XXYLT1: variants seen among roughly 807,000 people sequenced by gnomAD.
The protein encoded by XXYLT1 is UDP-xylose:alpha-xyloside alpha-1,3-xylosyltransferase.
XXYLT1 carries 20 observed loss-of-function variants against 28.9 expected under a neutral mutation model. The ratio of observed to expected loss-of-function variants is 0.69; its 90% CI spans 0.49 to 1.00. The LOEUF (loss-of-function observed/expected upper bound fraction) is 1.00, where lower values mean the gene tolerates loss of function less well. Ranked by LOEUF, XXYLT1 falls within the 50% of genes least tolerant of loss-of-function variation. The pLI is 0.00. For synonymous variants in XXYLT1, 257 were observed against 253.8 expected, an observed-to-expected ratio of 1.01 and a Z score of -0.12; for missense variants, 542 against 560.1, an observed-to-expected ratio of 0.97 and a Z score of 0.33.
intron 3 of XXYLT1, among the ~76,000 whole-genome samples, chr3:195,075,857 C>A (rs1383795879): frequency 1.3e-5 from 2 of 152,214 alleles, no homozygotes; most frequent in Admixed American, 1.3e-4. Flanking sequence ...CAAGCGAGGT[C>A]GAGGCGCGGC....
intron 1 of XXYLT1, among the ~76,000 whole-genome samples, chr3:195,263,613 C>T (rs368977154): frequency 6.6e-6 from 1 of 152,172 alleles, no homozygotes; most frequent in Non-Finnish European, 1.5e-5. Flanking sequence ...TTCCCGGCCT[C>T]CAAAACCTCA....
intron 3 of XXYLT1, among the ~76,000 whole-genome samples, chr3:195,085,682 A>G (rs1453150760): frequency 1.3e-5 from 2 of 152,212 alleles, no homozygotes; most frequent in African/African-American, 4.8e-5. Context: ...TTCCAGACTG[A>G]TGCGGCGAGA....
chr3:195,104,520 C>T (rs904410399), intron 3 of XXYLT1, among the ~76,000 whole-genome samples: 4 of 152,066 alleles, frequency 2.6e-5, no homozygotes, highest in African/African-American at 9.7e-5. Flanking sequence ...GCTCACACGA[C>T]CATGTGTTCA....
chr3:195,153,654 C>T (rs933208065), intron 3 of XXYLT1, among the ~76,000 whole-genome samples: 2 of 152,142 alleles, frequency 1.3e-5, no homozygotes, highest in African/African-American at 4.8e-5. Context: ...TTCAGGAAGT[C>T]CAGATAATTA....
chr3:195,088,057 G>GCCA (rs1715856221), intron 3 of XXYLT1, among the ~76,000 whole-genome samples: 1 of 152,074 alleles, frequency 6.6e-6, no homozygotes, highest in South Asian at 2.1e-4. Context: ...CTCGCTGATT[G>GCCA]CCAGCACAGC....
At position 195,256,538 on chromosome 3, in the gene XXYLT1, G is replaced by A; in HGVS notation, c.504+14017C>T. The A allele has an allele frequency of 3.0e-6, 3 of 985,368 alleles. No individual in the cohort carries two copies. Among genetic ancestry groups the A allele is most frequent in the African/African-American group, 1.7e-5 (1 of 57,336 alleles). 61.0% of individuals were successfully genotyped at this position (985,368 alleles called of 1,614,324 possible). On this transcript the variant is annotated intron_variant, in intron 1 of 3. Transcript: ENST00000310380. This position sits in a 1 kb window ranked among gnomAD's most constrained non-coding sequence, Gnocchi z 4.2. ...ATTCCAGGGATTATCCCAGAAAGAGGGGAAGAGCAGCCTCCTCACACCCCG... is the reference window on the plus strand; with the variant it reads ...ATTCCAGGGATTATCCCAGAAAGAGAGGAAGAGCAGCCTCCTCACACCCCG...
At chr3:195,134,879 G>GCA (rs1553808220) in intron 3 of XXYLT1, among the ~76,000 whole-genome samples, 50 of 140,652 alleles carry the variant, frequency 3.6e-4, no homozygotes, top group Middle Eastern at 3.6e-3. Flanking sequence ...GCGTGTGCGC[G>GCA]CGTGCGCGCA....
intron 3 of XXYLT1, among the ~76,000 whole-genome samples, chr3:195,143,898 TATTTTTA>T (rs1719691798): frequency 2.3e-5 from 3 of 132,548 alleles, no homozygotes; most frequent in East Asian, 6.0e-4. Context: ...ATTTATTTTT[TATTTTTA>T]TTTTTTTTTT....
At chr3:195,121,328 G>A (rs571266516) in intron 3 of XXYLT1, among the ~76,000 whole-genome samples, 2 of 152,180 alleles carry the variant, frequency 1.3e-5, no homozygotes, top group East Asian at 1.9e-4. Context: ...GATGAGAGAC[G>A]GGGTTCCCTC....
chr3:195,176,849 C>A lies in XXYLT1; in HGVS notation c.653-20268G>T, dbSNP rs1207684981. On this transcript the variant is annotated intron_variant, in intron 2 of 3. Coordinates refer to ENST00000310380, the MANE Select transcript of XXYLT1 (RefSeq NM_152531.5). This position sits in a 1 kb window ranked among gnomAD's most constrained non-coding sequence, Gnocchi z 4.9. ...CTCACAGAGCACAGGCCCACAGGGTCTGCTGGAAAGGTGATCTGAGAGGTA... is the reference window on the plus strand; with the variant it reads ...CTCACAGAGCACAGGCCCACAGGGTATGCTGGAAAGGTGATCTGAGAGGTA... Among the ~76,000 whole-genome samples the A allele has an allele frequency of 6.6e-6, 1 of 152,224 alleles. No homozygotes were observed. The highest frequency in any genetic ancestry group is 2.4e-5 in the African/African-American group (1 of 41,448).
intron 1 of XXYLT1, among the ~76,000 whole-genome samples, chr3:195,262,083 G>A (rs867592702): frequency 3.3e-5 from 5 of 152,326 alleles, no homozygotes; most frequent in South Asian, 2.1e-4. Flanking sequence ...GCCTCAAAGC[G>A]GAAACAACCC....
chr3:195,085,516 C>T (rs1428912401), intron 3 of XXYLT1, among the ~76,000 whole-genome samples: 1 of 152,184 alleles, frequency 6.6e-6, no homozygotes, highest in African/African-American at 2.4e-5. Flanking sequence ...GGGGAGTCCA[C>T]CCAGTTCTAC....
chr3:195,140,079 G>C (rs937755474), intron 3 of XXYLT1, among the ~76,000 whole-genome samples: 2 of 152,296 alleles, frequency 1.3e-5, no homozygotes, highest in South Asian at 4.1e-4. Flanking sequence ...GTGCAGCCCT[G>C]GTGAGATTCT....
intron 3 of XXYLT1, among the ~76,000 whole-genome samples, chr3:195,070,826 G>A (rs1714762130): frequency 6.6e-6 from 1 of 152,088 alleles, no homozygotes; most frequent in Non-Finnish European, 1.5e-5. Context: ...TAGGGTGAAA[G>A]ACAGCTGTAG....
intron 2 of XXYLT1, among the ~76,000 whole-genome samples, chr3:195,196,935 A>G (rs749044666): frequency 2.0e-5 from 3 of 152,140 alleles, no homozygotes; most frequent in Admixed American, 6.5e-5. Flanking sequence ...AATATTTTAC[A>G]CTGGGACTAG....
chr3:195,074,418 G>A (rs1047635920), intron 3 of XXYLT1, among the ~76,000 whole-genome samples: 2 of 152,208 alleles, frequency 1.3e-5, no homozygotes, highest in African/African-American at 4.8e-5. Flanking sequence ...AGTCAGTGAG[G>A]CCTGGAACCC....
intron 3 of XXYLT1, among the ~76,000 whole-genome samples, chr3:195,146,031 T>C (rs961661049): frequency 2.6e-5 from 4 of 152,214 alleles, no homozygotes; most frequent in African/African-American, 9.7e-5. Context: ...AAAAGTTTGA[T>C]ATTTCTATAA....
chr3:195,080,943 C>T (rs1180730207), intron 3 of XXYLT1, among the ~76,000 whole-genome samples: 3 of 152,210 alleles, frequency 2.0e-5, no homozygotes, highest in South Asian at 2.1e-4. Context: ...AAAAGTGGAG[C>T]GCCCTCCCAT....
rs767706279 is a variant in XXYLT1 at position 195,257,133 on chromosome 3, T to G, written c.504+13422A>C. 2.0e-5 allele frequency among the ~76,000 whole-genome samples: 3 copies of G among 152,208 alleles called. No homozygotes were observed. The highest frequency in any genetic ancestry group is 4.4e-5 in the Non-Finnish European group (3 of 68,036). ...CCTCTGTAAGCGGCCAAGGACGCCA[T>G]GTCCCGCAAGTCTGAGCAGCATGTG... On this transcript the variant is annotated intron_variant, in intron 1 of 3. Coordinates refer to ENST00000310380, the MANE Select transcript of XXYLT1 (RefSeq NM_152531.5). The surrounding 1 kb of genome is among the most constrained non-coding windows in gnomAD (Gnocchi z 4.3).
Sources: gnomAD v4.1 joint callset for allele counts (sites outside exome capture counted in the v4.1 genomes callset) on GRCh38, gnomAD v4.1.1 for gene constraint, Gnocchi (gnomAD v3.1) non-coding constraint, MANE v1.5 for transcripts, NCBI Gene and HGNC (gene_info 2026-07-23, HGNC 2026-07-21) for gene names.